MFN1: variants seen among roughly 807,000 people sequenced by gnomAD.
The protein encoded by MFN1 is mitofusin 1.
A neutral mutation model predicts 92.4 loss-of-function variants in MFN1; 65 were observed. The observed-to-expected ratio is 0.70, with a 90% CI of 0.58 to 0.86. MFN1 has a LOEUF of 0.86. Among genes scored for constraint, MFN1 ranks in the 40% least tolerant of loss-of-function variants. The pLI is 0.00. For missense variants in MFN1, 781 were observed against 868.0 expected (o/e 0.90, Z 1.26); for synonymous variants, 297 against 300.9 (o/e 0.99, Z 0.13).
At chr3:179,357,289 G>C (rs1215498947) in intron 3 of MFN1, among the ~76,000 whole-genome samples, 1 of 152,166 alleles carries the variant, frequency 6.6e-6, no homozygotes, top group Non-Finnish European at 1.5e-5. Flanking sequence ...TTATTAATGA[G>C]CTACAGCCAT....
intron 14 of MFN1, among the ~76,000 whole-genome samples, 167 bp from the exon 15 acceptor site, chr3:179,385,402 A>T (rs1350651925): frequency 6.6e-6 from 1 of 152,070 alleles, no homozygotes; most frequent in Non-Finnish European, 1.5e-5. Flanking sequence ...CATATTGTAG[A>T]TAAGAATTTC....
At position 179,378,364 on chromosome 3, in the gene MFN1, T is replaced by C; in HGVS notation, c.1353T>C (p.Asp451=). 1 of 1,603,062 alleles carries C rather than the reference T, an allele frequency of 6.2e-7. No homozygotes were observed. Among genetic ancestry groups the C allele is most frequent in the Non-Finnish European group, 8.5e-7 (1 of 1,176,922 alleles). The change falls in exon 13 of 18, where the codon GAT becomes GAC. Residue 451 remains aspartate, a synonymous_variant. Coordinates refer to ENST00000471841, the MANE Select transcript of MFN1 (RefSeq NM_033540.3). The stretch of plus-strand genomic sequence containing the variant: ...AGGAATTAAATAAGCACATAGAGGA[T>C]GGTATGGGAAGAAATTTGGCTGATC... ...YKSELNKHIE[D]GMGRNLADRC...
intron 9 of MFN1, among the ~76,000 whole-genome samples, chr3:179,373,565 CTT>C (rs1224788317): frequency 2.0e-5 from 3 of 152,090 alleles, no homozygotes; most frequent in Admixed American, 6.6e-5. Context: ...AAACATGTCT[CTT>C]ATAAAACATC....
chr3:179,374,745 A>G (rs746191757), intron 9 of MFN1, among the ~76,000 whole-genome samples: 59 of 152,172 alleles, frequency 3.9e-4, no homozygotes, highest in Non-Finnish European at 7.2e-4. Flanking sequence ...AGTCCTTTTT[A>G]GCAAACTTAC....
intron 8 of MFN1, among the ~76,000 whole-genome samples, 181 bp from the exon 9 acceptor site, chr3:179,367,855 G>A (rs562226011): frequency 5.9e-5 from 9 of 151,374 alleles, no homozygotes; most frequent in Non-Finnish European, 8.8e-5. Flanking sequence ...CCCAGGAGGC[G>A]GAGGTTGCAG....
chr3:179,387,717 C>T (rs1218523584), intron 16 of MFN1, among the ~76,000 whole-genome samples: 1 of 147,544 alleles, frequency 6.8e-6, no homozygotes, highest in African/African-American at 2.5e-5. Flanking sequence ...CGTGTGCCAC[C>T]GCACCCAGCT....
At chr3:179,353,658 C>T (rs990934843) in intron 3 of MFN1, among the ~76,000 whole-genome samples, 2 of 152,198 alleles carry the variant, frequency 1.3e-5, no homozygotes, top group African/African-American at 4.8e-5. Context: ...ATTGGTGTAA[C>T]AGTCCAGAGT....
In MFN1 at chr3:179,385,781, C is replaced by G. The variant is rs568226795; in HGVS notation, c.1815+60C>G. ...AAATGTTTGCAAGGCTGCCTGTTAG[C>G]TCACAAAAGAAAAGGTATACAGTAT... On this transcript the variant is annotated intron_variant, in intron 15 of 17. Coordinates refer to ENST00000471841, the MANE Select transcript of MFN1 (RefSeq NM_033540.3). 2.6e-5 allele frequency: 39 copies of G among 1,497,120 alleles called. No individual in the cohort carries two copies. In the African/African-American group the frequency reaches 5.2e-4, roughly 20 times the overall value. 92.7% of individuals were successfully genotyped at this position (1,497,120 alleles called of 1,614,324 possible).
intron 9 of MFN1, among the ~76,000 whole-genome samples, chr3:179,374,097 G>A (rs948333259): frequency 6.6e-6 from 1 of 151,602 alleles, no homozygotes; most frequent in African/African-American, 2.4e-5. Flanking sequence ...GAGGTCAGGA[G>A]TTGAAGACCG....
At chr3:179,365,052 A>G in intron 6 of MFN1, 66 bp from the exon 7 acceptor site, 2 of 919,880 alleles carry the variant, frequency 2.2e-6, no homozygotes, top group Non-Finnish European at 3.2e-6. Context: ...TTTCTCATTA[A>G]AATAAAATTT....
Position 179,365,196 on chromosome 3 carries a change from T to C in MFN1, c.724T>C (p.Ser242Pro), listed in dbSNP as rs758198985. Residue 242 changes from serine to proline, a missense_variant, in exon 7 of 18, where the codon TCT becomes CCT. Coordinates refer to ENST00000471841, the MANE Select transcript of MFN1 (RefSeq NM_033540.3). ...CATTCTCAATAATCGTTGGGATGCC[T>C]CTGCATCAGAGCCAGAATATATGGA... ...IFILNNRWDA[S>P]ASEPEYMEDV... 1 of 1,550,958 alleles carries C rather than the reference T, an allele frequency of 6.4e-7. No homozygotes were observed. The highest frequency in any genetic ancestry group is 1.3e-5 in the South Asian group (1 of 78,842).
intron 9 of MFN1, among the ~76,000 whole-genome samples, chr3:179,373,713 G>A (rs1001769819): frequency 1.1e-4 from 17 of 151,686 alleles, no homozygotes; most frequent in African/African-American, 3.4e-4. Flanking sequence ...TCGCTCTGTC[G>A]CCCAGGCTGG....
At chr3:179,366,385 CT>C (rs35841060) in intron 7 of MFN1, among the ~76,000 whole-genome samples, 30,445 of 143,986 alleles carry the variant, frequency 0.21, 3,187 homozygotes, top group Admixed American at 0.26. Flanking sequence ...GCATCCTCAA[CT>C]TTTTTTTTTT....
At chr3:179,379,313 T>TTTTCTCTG (rs1487466989) in intron 14 of MFN1, among the ~76,000 whole-genome samples, 35 of 152,310 alleles carry the variant, frequency 2.3e-4, no homozygotes, top group Admixed American at 1.8e-3. Context: ...ACTTCCTGTC[T>TTTTCTCTG]TTTCTCTGGT....
chr3:179,361,850 T>C (rs1330267899), intron 4 of MFN1, among the ~76,000 whole-genome samples: 8 of 152,210 alleles, frequency 5.3e-5, no homozygotes, highest in Admixed American at 5.2e-4. Flanking sequence ...GCTCTCACTT[T>C]TAAGCAAGAA....
intron 3 of MFN1, among the ~76,000 whole-genome samples, chr3:179,356,772 T>C (rs1443085908): frequency 2.0e-5 from 3 of 152,148 alleles, no homozygotes; most frequent in African/African-American, 7.2e-5. Flanking sequence ...GCATCATTAA[T>C]GGGCTCCCCA....
Position 179,392,090 on chromosome 3 carries a change from G to A in MFN1, c.*31G>A, listed in dbSNP as rs373291896. ...GAGATTGCTTTGGTGACCATGATAG[G>A]AGGAAACGAAACTTGTAAGATTGGA... is the stretch of plus-strand genomic sequence containing the variant. On this transcript the variant is annotated 3_prime_UTR_variant, in exon 18 of 18. Transcript: ENST00000471841. The A allele has an allele frequency of 7.1e-6, 10 of 1,399,724 alleles. No individual in the cohort carries two copies. The African/African-American group carries it at 8.6e-5, about 12-fold the overall frequency. 86.7% of individuals were successfully genotyped at this position (1,399,724 alleles called of 1,614,324 possible).
intron 10 of MFN1, among the ~76,000 whole-genome samples, chr3:179,376,404 T>C (rs537696622): frequency 7.3e-4 from 111 of 152,202 alleles, no homozygotes; most frequent in Non-Finnish European, 1.4e-3. Flanking sequence ...GAACAAAGTA[T>C]AGCACAAAGA....
At chr3:179,389,503 T>C (rs1713820681) in intron 16 of MFN1, among the ~76,000 whole-genome samples, 1 of 152,158 alleles carries the variant, frequency 6.6e-6, no homozygotes, top group African/African-American at 2.4e-5. Flanking sequence ...TGACACATGC[T>C]TCATCTGTCT....
Sources: gnomAD v4.1 joint callset for allele counts (sites outside exome capture counted in the v4.1 genomes callset) on GRCh38, gnomAD v4.1.1 for gene constraint, MANE v1.5 for transcripts, NCBI Gene and HGNC (gene_info 2026-07-23, HGNC 2026-07-21) for gene names.